MTREX: variants seen among roughly 807,000 people sequenced by gnomAD.
MTREX encodes Mtr4 exosome RNA helicase.
A neutral mutation model predicts 135.4 loss-of-function variants in MTREX; 76 were observed. That is an observed-to-expected ratio of 0.56 (90% CI 0.47 to 0.68). The LOEUF is 0.68. Among genes scored for constraint, MTREX ranks in the 30% least tolerant of loss-of-function variants. MTREX has a pLI of 0.00. For synonymous variants in MTREX, 404 were observed against 401.6 expected (o/e 1.01, Z -0.07); for missense variants, 920 against 1,262.1 (o/e 0.73, Z 4.11).
chr5:55,364,373 G>C (rs1293352014), intron 15 of MTREX, among the ~76,000 whole-genome samples: 2 of 152,026 alleles, frequency 1.3e-5, no homozygotes, highest in African/African-American at 2.4e-5. Flanking sequence ...ACTTCTGTGT[G>C]GTGTGTGTTT....
At chr5:55,334,790 A>G (rs1221862674) in intron 5 of MTREX, among the ~76,000 whole-genome samples, 1 of 152,032 alleles carries the variant, frequency 6.6e-6, no homozygotes, top group Non-Finnish European at 1.5e-5. Context: ...CCATTATAAT[A>G]CTGATGTAAA....
intron 21 of MTREX, among the ~76,000 whole-genome samples, chr5:55,402,848 A>ATGTGTGTG (rs1206609714): frequency 1.3e-4 from 6 of 44,954 alleles, no homozygotes; most frequent in African/African-American, 4.2e-4. Flanking sequence ...GTGTATGTGT[A>ATGTGTGTG]TGTATGTGTG....
chr5:55,389,721 C>G (rs553045105), intron 19 of MTREX, among the ~76,000 whole-genome samples: 2 of 152,278 alleles, frequency 1.3e-5, no homozygotes, highest in South Asian at 2.1e-4. Context: ...ATGAAACCCC[C>G]TCTTTAGAAA....
intron 3 of MTREX, 147 bp from the exon 4 acceptor site, chr5:55,327,569 T>A (rs572675773): frequency 1.5e-5 from 9 of 597,566 alleles, no homozygotes; most frequent in Non-Finnish European, 2.6e-5. Context: ...AAGACAGTTA[T>A]TTGATTTACA....
At chr5:55,395,914 T>C (rs773611360) in intron 19 of MTREX, among the ~76,000 whole-genome samples, 2 of 151,620 alleles carry the variant, frequency 1.3e-5, no homozygotes, top group Non-Finnish European at 2.9e-5. Flanking sequence ...TTCCATGGAG[T>C]AGTGGTGGGG....
intron 19 of MTREX, among the ~76,000 whole-genome samples, chr5:55,394,029 T>C (rs943083039): frequency 2.0e-5 from 3 of 152,220 alleles, no homozygotes; most frequent in African/African-American, 7.2e-5. Context: ...GAGTTTATTA[T>C]GGAAAGCAGC....
intron 25 of MTREX, among the ~76,000 whole-genome samples, chr5:55,420,590 A>T (rs1751039538): frequency 1.3e-5 from 2 of 152,206 alleles, no homozygotes; most frequent in South Asian, 4.1e-4. Context: ...TAAACACATT[A>T]AGTTGAAAGA....
chr5:55,320,297 A>G (rs553809247), intron 1 of MTREX, among the ~76,000 whole-genome samples: 1 of 148,554 alleles, frequency 6.7e-6, no homozygotes, highest in South Asian at 2.1e-4. Flanking sequence ...AGCTCACTGC[A>G]GGCTCCACCT....
chr5:55,366,939 A>T, intron 16 of MTREX, 64 bp downstream of exon 16: 1 of 1,318,248 alleles, frequency 7.6e-7, no homozygotes, highest in Non-Finnish European at 1.0e-6. Flanking sequence ...AAATGTCTGC[A>T]TTATTGGCTG....
chr5:55,424,664 G>GC, intron 26 of MTREX, 56 bp from the exon 27 acceptor site: 4 of 1,303,046 alleles, frequency 3.1e-6, no homozygotes, highest in Admixed American at 1.7e-5. Context: ...TTCGGTAGAG[G>GC]CAAGTTAGGT....
chr5:55,320,657 A>G (rs1206520174), intron 1 of MTREX, among the ~76,000 whole-genome samples: 1 of 150,998 alleles, frequency 6.6e-6, no homozygotes, highest in Admixed American at 6.6e-5. Flanking sequence ...CTTAGAAAAA[A>G]TAACTGTCCT....
At chr5:55,383,721 AT>A (rs996553338) in intron 18 of MTREX, among the ~76,000 whole-genome samples, 3 of 151,428 alleles carry the variant, frequency 2.0e-5, no homozygotes, top group Non-Finnish European at 2.9e-5. Context: ...ATGTAGATGA[AT>A]TTTTTTTTCC....
chr5:55,405,359 G>A (rs933656575), intron 21 of MTREX, 66 bp from the exon 22 acceptor site: 127 of 1,353,108 alleles, frequency 9.4e-5, no homozygotes, highest in Non-Finnish European at 1.0e-4. Flanking sequence ...TTGATTTCAT[G>A]AATAAATCTC....
chr5:55,322,898 A>G (rs541180088), intron 2 of MTREX, among the ~76,000 whole-genome samples: 12 of 152,292 alleles, frequency 7.9e-5, no homozygotes, highest in African/African-American at 2.9e-4. Flanking sequence ...GACTCCTGCT[A>G]TGGGTATCTG....
chr5:55,390,507 G>C (rs1367214526), intron 19 of MTREX, among the ~76,000 whole-genome samples: 3 of 152,154 alleles, frequency 2.0e-5, no homozygotes, highest in Non-Finnish European at 2.9e-5. Flanking sequence ...TAGAGGGCAA[G>C]AGCACTCCAG....
intron 2 of MTREX, among the ~76,000 whole-genome samples, chr5:55,323,429 T>A (rs1211637906): frequency 6.8e-6 from 1 of 146,932 alleles, no homozygotes; most frequent in African/African-American, 2.5e-5. Context: ...AATAAGGAAC[T>A]TTTTTTTTTT....
chr5:55,321,697 C>T (rs1749292701), intron 1 of MTREX, among the ~76,000 whole-genome samples: 1 of 151,122 alleles, frequency 6.6e-6, no homozygotes, highest in African/African-American at 2.4e-5. Flanking sequence ...CAGCATCTGC[C>T]TCCTGGGTTC....
chr5:55,342,583 G>C (rs992794017), intron 7 of MTREX, among the ~76,000 whole-genome samples: 1 of 152,202 alleles, frequency 6.6e-6, no homozygotes, highest in East Asian at 1.9e-4. Flanking sequence ...GTAGGGTGCT[G>C]GCAGGGCTAA....
At chr5:55,381,392 G>T (rs191286096) in intron 18 of MTREX, among the ~76,000 whole-genome samples, 1 of 152,028 alleles carries the variant, frequency 6.6e-6, no homozygotes, top group East Asian at 1.9e-4. Context: ...CAATTATAGA[G>T]GTTTTACAAT....
Sources: allele counts gnomAD v4.1 joint callset (sites outside exome capture counted in the v4.1 genomes callset), GRCh38; gene constraint gnomAD v4.1.1; transcripts MANE v1.5; gene names NCBI Gene and HGNC (gene_info 2026-07-23, HGNC 2026-07-21).